FBXL13: variants seen among roughly 807,000 people sequenced by gnomAD.
The protein encoded by FBXL13 is F-box and leucine rich repeat protein 13, also known as F-box and leucine-rich repeat protein 13.
Under a neutral mutation model 83.6 loss-of-function variants are expected in FBXL13, and 67 were observed. The ratio of observed to expected loss-of-function variants is 0.80; its 90% CI spans 0.66 to 0.98. The LOEUF (loss-of-function observed/expected upper bound fraction) is 0.98, where lower values mean the gene tolerates loss of function less well. Among genes scored for constraint, FBXL13 ranks in the 50% least tolerant of loss-of-function variants. The pLI is 0.00. For synonymous variants in FBXL13, 272 were observed against 299.5 expected (o/e 0.91, Z 0.95); for missense variants, 822 against 866.5 (o/e 0.95, Z 0.64).
chr7:103,046,349 C>A (rs1796276505), intron 2 of FBXL13, among the ~76,000 whole-genome samples: 1 of 152,172 alleles, frequency 6.6e-6, no homozygotes, highest in South Asian at 2.1e-4. Flanking sequence ...TGCTATACAG[C>A]CTATCATGAG....
intron 8 of FBXL13, chr7:102,944,264 T>G (rs1250759442): frequency 4.3e-6 from 7 of 1,613,098 alleles, no homozygotes; most frequent in African/African-American, 1.3e-5. Context: ...AACAACAGTC[T>G]GCAAAACTTT....
intron 11 of FBXL13, among the ~76,000 whole-genome samples, chr7:102,894,207 T>C (rs929669720): frequency 3.3e-5 from 5 of 152,204 alleles, no homozygotes; most frequent in African/African-American, 1.2e-4. Context: ...AAGGAGAAGG[T>C]TGGAATTTAT....
intron 11 of FBXL13, among the ~76,000 whole-genome samples, chr7:102,899,822 C>T (rs571909788): frequency 6.6e-6 from 1 of 152,154 alleles, no homozygotes; most frequent in East Asian, 1.9e-4. Context: ...GACTGTAATC[C>T]CAGCACTTTG....
At chr7:102,882,237 G>A (rs1341791515) in intron 14 of FBXL13, among the ~76,000 whole-genome samples, 2 of 152,068 alleles carry the variant, frequency 1.3e-5, no homozygotes, top group African/African-American at 2.4e-5. Flanking sequence ...CTGGGCAATA[G>A]AGCAAGACCT....
At chr7:103,051,355 C>A (rs988398875) in intron 2 of FBXL13, among the ~76,000 whole-genome samples, 1 of 152,198 alleles carries the variant, frequency 6.6e-6, no homozygotes, top group Non-Finnish European at 1.5e-5. Context: ...CAAATCCATT[C>A]CTGGACCCAG....
chr7:103,021,979 A>G (rs1317702258), intron 6 of FBXL13, among the ~76,000 whole-genome samples: 4 of 152,196 alleles, frequency 2.6e-5, no homozygotes, highest in African/African-American at 4.8e-5. Flanking sequence ...CCCATTACTG[A>G]GTATATACCC....
intron 8 of FBXL13, among the ~76,000 whole-genome samples, chr7:102,943,172 G>A (rs1351449085): frequency 6.6e-6 from 1 of 152,034 alleles, no homozygotes; most frequent in Non-Finnish European, 1.5e-5. Flanking sequence ...CCCAACACTG[G>A]GAAAAGGTTG....
chr7:103,056,650 G>T (rs183745768), intron 1 of FBXL13, among the ~76,000 whole-genome samples: 2 of 152,138 alleles, frequency 1.3e-5, no homozygotes, highest in East Asian at 3.9e-4. Context: ...TAGAGACAGG[G>T]TTTCACCATG....
chr7:103,051,646 G>C, intron 2 of FBXL13, among the ~76,000 whole-genome samples: 1 of 152,200 alleles, frequency 6.6e-6, no homozygotes, highest in East Asian at 1.9e-4. Flanking sequence ...AAATTTAAAG[G>C]AGTTTAATTG....
In FBXL13 at chr7:103,017,108, G is replaced by C. The variant is rs577808938; in HGVS notation, c.495+7955C>G. 4.0e-5 allele frequency among the ~76,000 whole-genome samples: 6 copies of C among 150,430 alleles called. No homozygotes were observed. The South Asian group carries it at 8.3e-4, about 21-fold the overall frequency. On this transcript the variant is annotated intron_variant, in intron 6 of 19. Coordinates refer to ENST00000313221, the Ensembl canonical transcript of FBXL13. ...GCAGACTGACACTTCACACGGCTGG[G>C]TACCCCTCTGAGACGAAGCTTCCAG...
intron 11 of FBXL13, among the ~76,000 whole-genome samples, chr7:102,909,283 T>A (rs1287049725): frequency 6.6e-6 from 1 of 151,942 alleles, no homozygotes; most frequent in African/African-American, 2.4e-5. Context: ...CTGGGACTCA[T>A]CCTTCAGGGC....
intron 11 of FBXL13, among the ~76,000 whole-genome samples, chr7:102,895,887 C>G (rs1812191817): frequency 6.6e-6 from 1 of 152,172 alleles, no homozygotes; most frequent in Non-Finnish European, 1.5e-5. Context: ...CTGAAATGAA[C>G]TGGGAACTAA....
At chr7:102,820,001 C>T (rs1409984511) in intron 19 of FBXL13, among the ~76,000 whole-genome samples, 1 of 152,166 alleles carries the variant, frequency 6.6e-6, no homozygotes, top group Non-Finnish European at 1.5e-5. Context: ...TCAGGAGCCC[C>T]CTAACTGACA....
chr7:102,934,916 C>T (rs1489373825), intron 8 of FBXL13, among the ~76,000 whole-genome samples: 2 of 152,144 alleles, frequency 1.3e-5, no homozygotes, highest in Admixed American at 1.3e-4. Context: ...AGGAGGGCAG[C>T]CATTTGGGTT....
chr7:102,840,408 A>G (rs1377563201), intron 17 of FBXL13, among the ~76,000 whole-genome samples: 3 of 152,230 alleles, frequency 2.0e-5, no homozygotes, highest in African/African-American at 7.2e-5. Context: ...TAGTGGCCCA[A>G]TTACCTGGCA....
At chr7:102,917,740 C>T (rs1183538865) in intron 10 of FBXL13, among the ~76,000 whole-genome samples, 2 of 152,200 alleles carry the variant, frequency 1.3e-5, no homozygotes, top group East Asian at 3.8e-4. Context: ...CAGGATGACA[C>T]TTCTTGTAGC....
At chr7:102,858,376 G>C (rs145994655) in intron 16 of FBXL13, among the ~76,000 whole-genome samples, 2 of 152,226 alleles carry the variant, frequency 1.3e-5, no homozygotes, top group East Asian at 3.9e-4. Flanking sequence ...CAGCACTGTG[G>C]GGTGAATATG....
chr7:102,934,597 G>A (rs772488729), intron 8 of FBXL13: 5 of 1,613,990 alleles, frequency 3.1e-6, no homozygotes, highest in Non-Finnish European at 2.5e-6. Flanking sequence ...AAGTGTCAGG[G>A]AGACCCCCAG....
rs563726626 is a variant in FBXL13 at position 103,003,278 on chromosome 7, GTTTT to G, written c.495+21781_495+21784del. Among the ~76,000 whole-genome samples the G allele has an allele frequency of 1.6e-3, 124 of 75,896 alleles. 1 individual carries two copies. Among genetic ancestry groups the G allele is most frequent in the Middle Eastern group, 9.4e-3 (1 of 106 alleles). 49.8% of individuals were successfully genotyped at this position (75,896 alleles called of 152,430 possible). A position where few individuals can be genotyped will look rare whatever the true frequency, so the allele number is the denominator to read the frequency against. On this transcript the variant is annotated intron_variant, in intron 6 of 19. Transcript: ENST00000313221. ...TTGTTGTTGTTGTTGTTGTTTTGGGGTTTTTTTTTTTTTTTTTTTTTTTTTTTGA... is the reference window on the plus strand; with the variant it reads ...TTGTTGTTGTTGTTGTTGTTTTGGGGTTTTTTTTTTTTTTTTTTTTTTTGA...
Sources: allele counts gnomAD v4.1 joint callset (sites outside exome capture counted in the v4.1 genomes callset), GRCh38; gene constraint gnomAD v4.1.1; transcripts MANE v1.5; gene names NCBI Gene and HGNC (gene_info 2026-07-23, HGNC 2026-07-21).